TANGO6: variants seen among roughly 807,000 people sequenced by gnomAD.
TANGO6 encodes transport and golgi organization 6 homolog.
A neutral mutation model predicts 114.2 loss-of-function variants in TANGO6; 90 were observed. The observed-to-expected ratio is 0.79, with a 90% confidence interval of 0.66 to 0.94. The LOEUF (loss-of-function observed/expected upper bound fraction) is 0.94, where lower values mean the gene tolerates loss of function less well. Among genes scored for constraint, TANGO6 ranks in the 40% least tolerant of loss-of-function variants. The pLI is 0.00. For missense variants in TANGO6, 1,274 were observed against 1,315.3 expected (o/e 0.97, Z 0.49); for synonymous variants, 477 against 509.8 (o/e 0.94, Z 0.87).
At chr16:69,053,982 T>A (rs936722395) in intron 17 of TANGO6, among the ~76,000 whole-genome samples, 1 of 151,978 alleles carries the variant, frequency 6.6e-6, no homozygotes, top group African/African-American at 2.4e-5. Flanking sequence ...GGAGAATCGC[T>A]AGAACCCCGG....
intron 4 of TANGO6, among the ~76,000 whole-genome samples, chr16:68,871,951 G>A (rs951395344): frequency 6.6e-6 from 1 of 152,122 alleles, no homozygotes; most frequent in Admixed American, 6.5e-5. Flanking sequence ...GTCTTAATGG[G>A]CCAGGCGCAG....
chr16:68,954,129 A>G (rs890836343), intron 14 of TANGO6, among the ~76,000 whole-genome samples: 3 of 152,008 alleles, frequency 2.0e-5, no homozygotes, highest in African/African-American at 7.2e-5. Flanking sequence ...GTGTGCCTGT[A>G]ATCCCAGCCA....
chr16:69,015,311 A>G lies in TANGO6; in HGVS notation c.2843-7517A>G, dbSNP rs76354823. Among the ~76,000 whole-genome samples, 454 of 152,160 alleles carry G rather than the reference A, an allele frequency of 3.0e-3. 1 individual carries two copies. Among genetic ancestry groups the G allele is most frequent in the African/African-American group, 0.01 (432 of 41,498 alleles). On this transcript the variant is annotated intron_variant, in intron 15 of 17. Coordinates refer to ENST00000261778, the MANE Select transcript of TANGO6 (RefSeq NM_024562.2). Reference sequence around the variant, plus strand: ...TGAGTGTTCCAGTTCTTCCAGTCCAACACTTGGAAAACAAGGTAGCAAGTG... The same window carrying G: ...TGAGTGTTCCAGTTCTTCCAGTCCAGCACTTGGAAAACAAGGTAGCAAGTG...
intron 1 of TANGO6, among the ~76,000 whole-genome samples, chr16:68,855,579 CA>C (rs956808719): frequency 2.1e-4 from 28 of 133,950 alleles, no homozygotes; most frequent in African/African-American, 4.4e-4. Flanking sequence ...AAAACTGTCT[CA>C]AAAAAAAAAA....
intron 16 of TANGO6, among the ~76,000 whole-genome samples, chr16:69,032,732 G>A (rs1057140674): frequency 6.6e-6 from 1 of 152,090 alleles, no homozygotes; most frequent in East Asian, 1.9e-4. Context: ...CAAAAAATTA[G>A]TTGGGCATGG....
At chr16:68,967,672 T>C (rs1004555676) in intron 14 of TANGO6, among the ~76,000 whole-genome samples, 2 of 152,194 alleles carry the variant, frequency 1.3e-5, no homozygotes, top group African/African-American at 4.8e-5. Flanking sequence ...TCTTGTAGTT[T>C]TGTTGGCAGA....
intron 15 of TANGO6, among the ~76,000 whole-genome samples, chr16:68,998,090 C>G (rs1964009239): frequency 6.6e-6 from 1 of 152,134 alleles, no homozygotes; most frequent in African/African-American, 2.4e-5. Flanking sequence ...AGTACAATGA[C>G]AATATATTCC....
intron 15 of TANGO6, among the ~76,000 whole-genome samples, chr16:69,014,589 C>A (rs1387435818): frequency 1.3e-5 from 2 of 152,056 alleles, no homozygotes; most frequent in Non-Finnish European, 2.9e-5. Flanking sequence ...ATAGAGGAAT[C>A]CCTAAAGCTC....
chr16:68,982,718 C>T (rs1268815821), intron 15 of TANGO6, among the ~76,000 whole-genome samples: 1 of 149,004 alleles, frequency 6.7e-6, no homozygotes, highest in Non-Finnish European at 1.5e-5. Flanking sequence ...GCAATCCTCC[C>T]ACCTCGGCCT....
intron 15 of TANGO6, among the ~76,000 whole-genome samples, chr16:68,995,420 G>A: frequency 6.6e-6 from 1 of 152,184 alleles, no homozygotes; most frequent in Non-Finnish European, 1.5e-5. Flanking sequence ...TGCCTGGCAA[G>A]CCTCATCAAG....
At chr16:68,923,122 T>A (rs1017017651) in intron 12 of TANGO6, among the ~76,000 whole-genome samples, 1 of 119,218 alleles carries the variant, frequency 8.4e-6, no homozygotes, top group Admixed American at 8.0e-5. Flanking sequence ...TCATTTTGTA[T>A]TTTTTTTTTT....
At chr16:68,916,936 C>T (rs1963014238) in intron 11 of TANGO6, among the ~76,000 whole-genome samples, 1 of 152,124 alleles carries the variant, frequency 6.6e-6, no homozygotes, top group East Asian at 1.9e-4. Flanking sequence ...CCATAGTTTA[C>T]ACTAGGGCTC....
intron 15 of TANGO6, among the ~76,000 whole-genome samples, chr16:69,022,122 G>A (rs904476446): frequency 2.0e-5 from 3 of 151,922 alleles, no homozygotes; most frequent in Middle Eastern, 3.4e-3. Context: ...TCCTGACCTC[G>A]TGATCCGCCC....
chr16:68,889,216 G>T (rs1962579545), intron 7 of TANGO6, among the ~76,000 whole-genome samples: 1 of 152,136 alleles, frequency 6.6e-6, no homozygotes. Flanking sequence ...CAGACAGCCT[G>T]GTATATTTGT....
chr16:68,932,205 C>T (rs1225911849), intron 14 of TANGO6, among the ~76,000 whole-genome samples: 4 of 152,184 alleles, frequency 2.6e-5, no homozygotes, highest in Non-Finnish European at 5.9e-5. Flanking sequence ...ATTCTCCTGC[C>T]TCAGCCTCCC....
intron 7 of TANGO6, among the ~76,000 whole-genome samples, chr16:68,897,190 C>T (rs182946090): frequency 2.3e-3 from 355 of 152,262 alleles, no homozygotes; most frequent in Non-Finnish European, 3.7e-3. Flanking sequence ...TGCCGTGAAC[C>T]GCTGTGCCCA....
At chr16:68,857,675 G>C (rs1962020682) in intron 1 of TANGO6, among the ~76,000 whole-genome samples, 1 of 152,128 alleles carries the variant, frequency 6.6e-6, no homozygotes, top group Non-Finnish European at 1.5e-5. Flanking sequence ...ATCCTTGTCA[G>C]CATTTAATGT....
At chr16:68,938,860 G>T (rs551559839) in intron 14 of TANGO6, among the ~76,000 whole-genome samples, 40 of 151,738 alleles carry the variant, frequency 2.6e-4, no homozygotes, top group Admixed American at 1.1e-3. Flanking sequence ...CGAAGGATTG[G>T]GTTAACATTA....
At chr16:68,928,159 G>T in intron 13 of TANGO6, 76 bp downstream of exon 13, 1 of 1,451,564 alleles carries the variant, frequency 6.9e-7, no homozygotes, top group South Asian at 1.5e-5. Context: ...TTGGAGCCTG[G>T]ACTATGTGTC....
Sources: allele counts gnomAD v4.1 joint callset (sites outside exome capture counted in the v4.1 genomes callset), GRCh38; gene constraint gnomAD v4.1.1; transcripts MANE v1.5; gene names NCBI Gene and HGNC (gene_info 2026-07-23, HGNC 2026-07-21).